Variants in STK3 observed in about 807,000 individuals in gnomAD.
STK3 encodes serine/threonine kinase 3.
In STK3, 41 loss-of-function variants were observed where a neutral mutation model predicts 58.0. The observed-to-expected ratio is 0.71, with a 90% CI of 0.55 to 0.92. The LOEUF (loss-of-function observed/expected upper bound fraction) is 0.92, where lower values mean the gene tolerates loss of function less well. Among genes scored for constraint, STK3 ranks in the 40% least tolerant of loss-of-function variants. STK3 has a pLI of 0.00. For synonymous variants in STK3, 170 were observed against 191.0 expected, an observed-to-expected ratio of 0.89 and a Z score of 0.91; for missense variants, 479 against 602.7, an observed-to-expected ratio of 0.79 and a Z score of 2.15.
At chr8:98,852,322 TG>T (rs1362646207) in intron 3 of STK3, among the ~76,000 whole-genome samples, 7 of 151,930 alleles carry the variant, frequency 4.6e-5, no homozygotes, top group Non-Finnish European at 1.0e-4. Flanking sequence ...TTAGTAGAGG[TG>T]GGGTTTCACC....
chr8:98,380,271 A>G (rs1397638978), intron 1 of STK3, among the ~76,000 whole-genome samples: 1 of 152,172 alleles, frequency 6.6e-6, no homozygotes, highest in Non-Finnish European at 1.5e-5. Flanking sequence ...TATTACGGGG[A>G]TAGAAATCAT....
At position 98,834,415 on chromosome 8, in the gene STK3, G is replaced by T. The variant is rs183818307; in HGVS notation, c.110+49232C>A. The stretch of plus-strand genomic sequence containing the variant: ...GGTCAACAGAACAAAATTGGAATCC[G>T]ATTATGTAGAAAAAATGGGGAAATT... On this transcript the variant is annotated intron_variant, in intron 3 of 12. Transcript: ENST00000523601. Among the ~76,000 whole-genome samples, 1,326 of 152,248 alleles carry T rather than the reference G, an allele frequency of 8.7e-3. 12 individuals carry two copies. The highest frequency in any genetic ancestry group is 0.03 in the African/African-American group (1,249 of 41,546).
the STK3 span, among the ~76,000 whole-genome samples, chr8:98,347,593 G>A: frequency 1.3e-5 from 2 of 149,646 alleles, no homozygotes; most frequent in South Asian, 4.2e-4. Flanking sequence ...ATGGAACAAA[G>A]GACAGCTGGG....
intron 6 of STK3, among the ~76,000 whole-genome samples, chr8:98,660,337 A>C (rs955778099): frequency 1.1e-4 from 17 of 152,098 alleles, no homozygotes; most frequent in Non-Finnish European, 2.1e-4. Context: ...AATCCTGCAG[A>C]TCTGCTGTAC....
chr8:98,533,995 A>G (rs1028732239), intron 9 of STK3, among the ~76,000 whole-genome samples: 4 of 152,200 alleles, frequency 2.6e-5, no homozygotes, highest in Non-Finnish European at 4.4e-5. Flanking sequence ...AGTAGATGCT[A>G]TATGTATTTC....
intron 6 of STK3, among the ~76,000 whole-genome samples, chr8:98,700,836 A>G (rs1232996275): frequency 6.6e-6 from 1 of 152,134 alleles, no homozygotes; most frequent in African/African-American, 2.4e-5. Context: ...CCCTATGCTG[A>G]ACAACAGGTA....
intron 7 of STK3, among the ~76,000 whole-genome samples, chr8:98,591,291 T>C (rs1294161067): frequency 2.0e-5 from 3 of 152,262 alleles, no homozygotes; most frequent in South Asian, 4.1e-4. Flanking sequence ...TTTTTGGATA[T>C]TGTGTTTTGT....
In STK3 at chr8:98,929,284, A is replaced by C. The variant is rs182812062; in HGVS notation, c.-79+13094T>G. 5.7e-3 allele frequency among the ~76,000 whole-genome samples: 864 copies of C among 152,272 alleles called. 6 individuals are homozygous for C. The highest frequency in any genetic ancestry group is 8.7e-3 in the South Asian group (42 of 4,820). On this transcript the variant is annotated intron_variant, in intron 1 of 1. Transcript: ENST00000519420. ...CATCTCAAAAAATGAACAACAACAAAAAAAAACTAACTAGAGAAACTAAGG... is the reference window on the plus strand; with the variant it reads ...CATCTCAAAAAATGAACAACAACAACAAAAAACTAACTAGAGAAACTAAGG...
At chr8:98,391,490 T>A (rs1017186412), upstream of STK3, 2 of 152,342 alleles carry the variant, frequency 1.3e-5, no homozygotes, top group Non-Finnish European at 2.9e-5. Context: ...CTCTGTTACT[T>A]GTCCACTCCT....
At chr8:98,698,061 T>A (rs1825154607) in intron 6 of STK3, among the ~76,000 whole-genome samples, 1 of 152,226 alleles carries the variant, frequency 6.6e-6, no homozygotes, top group Non-Finnish European at 1.5e-5. Context: ...ATTGGGTGCA[T>A]ATATATTTAA....
At chr8:98,347,285 C>A in the STK3 span, among the ~76,000 whole-genome samples, 3 of 151,800 alleles carry the variant, frequency 2.0e-5, no homozygotes, top group Non-Finnish European at 2.9e-5. Context: ...GAGGCCGAGG[C>A]GGGCGGATCA....
intron 3 of STK3, among the ~76,000 whole-genome samples, chr8:98,858,341 G>GAGAGAC (rs1836778247): frequency 7.5e-6 from 1 of 132,488 alleles, no homozygotes; most frequent in East Asian, 2.3e-4. Context: ...GAGAGAGAGA[G>GAGAGAC]AGAGAGAGAG....
intron 2 of STK3, among the ~76,000 whole-genome samples, chr8:98,376,217 C>T: frequency 6.6e-6 from 1 of 152,134 alleles, no homozygotes; most frequent in Non-Finnish European, 1.5e-5. Flanking sequence ...ATTTTTATTT[C>T]CACTTTGGTG....
chr8:98,543,254 T>C (rs541532246), intron 9 of STK3, among the ~76,000 whole-genome samples: 1 of 152,160 alleles, frequency 6.6e-6, no homozygotes, highest in South Asian at 2.1e-4. Flanking sequence ...GAAGAGGGAA[T>C]AGAAAGGTAA....
At chr8:98,461,392 C>T (rs1819963908) in intron 10 of STK3, among the ~76,000 whole-genome samples, 1 of 152,118 alleles carries the variant, frequency 6.6e-6, no homozygotes, top group South Asian at 2.1e-4. Flanking sequence ...TTGGGTAAGT[C>T]TCTTGAAGAC....
intron 1 of STK3, among the ~76,000 whole-genome samples, chr8:98,912,294 C>G (rs761023727): frequency 2.7e-4 from 41 of 152,154 alleles, no homozygotes; most frequent in Middle Eastern, 3.4e-3. Context: ...AGGAGAATTG[C>G]TTGATCCCGG....
At chr8:98,429,469 G>A in intron 3 of STK3, 1 of 1,312,606 alleles carries the variant, frequency 7.6e-7, no homozygotes, top group Admixed American at 1.8e-5. Context: ...TTGTGCCTCT[G>A]GCACAGCCCA....
Position 98,609,788 on chromosome 8 carries a change from G to A in STK3, c.685-13619C>T, listed in dbSNP as rs528530916. ...ATCCTGGCTAACACAGTGAAACCCC[G>A]TCTCTACTAAAAATACAAAAAATTA... On this transcript the variant is annotated intron_variant, in intron 6 of 10. Transcript: ENST00000419617. Among the ~76,000 whole-genome samples, 22 of 151,900 alleles carry A rather than the reference G, an allele frequency of 1.4e-4. 1 individual carries two copies. Among genetic ancestry groups the A allele is most frequent in the South Asian group, 6.2e-4 (3 of 4,804 alleles).
At chr8:98,514,483 A>T (rs549989907) in intron 10 of STK3, among the ~76,000 whole-genome samples, 28 of 151,984 alleles carry the variant, frequency 1.8e-4, no homozygotes, top group African/African-American at 6.8e-4. Flanking sequence ...GATAGCTAAA[A>T]CTATTCTTTA....
Sources: gnomAD v4.1 joint callset for allele counts (sites outside exome capture counted in the v4.1 genomes callset) on GRCh38, gnomAD v4.1.1 for gene constraint, MANE v1.5 for transcripts, NCBI Gene and HGNC (gene_info 2026-07-23, HGNC 2026-07-21) for gene names.